Variants in ADAP1 observed in about 807,000 individuals in gnomAD.
ADAP1 encodes arf-GAP with dual PH domain-containing protein 1.
ADAP1 carries 31 observed loss-of-function variants against 54.9 expected under a neutral mutation model. That is an observed-to-expected ratio of 0.56 (90% CI 0.42 to 0.76). The LOEUF (loss-of-function observed/expected upper bound fraction) is 0.76, where lower values mean the gene tolerates loss of function less well. ADAP1 is among the 30% of genes least tolerant of loss of function. The pLI is 0.00. For synonymous variants in ADAP1, 313 were observed against 202.6 expected (o/e 1.55, Z -4.63); for missense variants, 535 against 512.4 (o/e 1.04, Z -0.42).
chr7:954,065 C>A (rs1847329890), intron 1 of ADAP1, among the ~76,000 whole-genome samples: 1 of 152,046 alleles, frequency 6.6e-6, no homozygotes, highest in Non-Finnish European at 1.5e-5. Flanking sequence ...TCTTTCTGTG[C>A]GGAGCCCGAG....
chr7:900,187 G>C, intron 7 of ADAP1, 23 bp from the exon 8 acceptor site: 1 of 1,612,752 alleles, frequency 6.2e-7, no homozygotes, highest in Non-Finnish European at 8.5e-7. Context: ...ACACCAGGCA[G>C]GGGACCTCAG....
intron 1 of ADAP1, among the ~76,000 whole-genome samples, chr7:942,592 G>C (rs1309542955): frequency 5.4e-5 from 4 of 74,110 alleles, no homozygotes; most frequent in Non-Finnish European, 6.4e-5. Context: ...GAGAGGAGGA[G>C]GAAGGGAGAG....
chr7:905,769 GGAGAAAGGAGAAA>G lies in ADAP1; in HGVS notation c.389-610_389-598del, dbSNP rs1845220320. On this transcript the variant is annotated intron_variant, in intron 4 of 10. Coordinates refer to ENST00000265846, the MANE Select transcript of ADAP1 (RefSeq NM_006869.4). ...GAAGGGAGAAGGGAGAAGGGAGAAA[GGAGAAAGGAGAAA>G]GGAGAAAGGAGAAAGGAGAAAGGAG... Among the ~76,000 whole-genome samples, 7 of 64,402 alleles carry G rather than the reference GGAGAAAGGAGAAA, an allele frequency of 1.1e-4. 1 individual carries two copies. The highest frequency in any genetic ancestry group is 3.2e-4 in the African/African-American group (6 of 18,868). The allele number at this position is 64,402 out of a possible 152,430, so 42.3% of individuals were successfully genotyped here. A position where few individuals can be genotyped will look rare whatever the true frequency, so the allele number is the denominator to read the frequency against.
At chr7:910,796 T>A (rs1480448214) in intron 4 of ADAP1, among the ~76,000 whole-genome samples, 1 of 152,066 alleles carries the variant, frequency 6.6e-6, no homozygotes, top group Non-Finnish European at 1.5e-5. Flanking sequence ...CATGGATGGG[T>A]GGCCTCTGAG....
chr7:924,979 A>C (rs1365596683), intron 3 of ADAP1, among the ~76,000 whole-genome samples: 2 of 151,970 alleles, frequency 1.3e-5, no homozygotes, highest in African/African-American at 4.8e-5. Flanking sequence ...GAATGAGAGT[A>C]CGGGGGGCCA....
Position 905,272 on chromosome 7 carries a change from C to G in ADAP1, c.389-100G>C, listed in dbSNP as rs1285435398. 7.8e-5 allele frequency: 25 copies of G among 318,744 alleles called. 1 individual carries two copies. The highest frequency in any genetic ancestry group is 3.2e-4 in the African/African-American group (6 of 19,016). The allele number at this position is 318,744 out of a possible 1,614,324, so 19.7% of individuals were successfully genotyped here. A position where few individuals can be genotyped will look rare whatever the true frequency, so the allele number is the denominator to read the frequency against. On this transcript the variant is annotated intron_variant, in intron 4 of 10. Transcript: ENST00000265846. ...ACAGAGGGGACATGGGGAGAAGACACGGGGGACACGGACGGGGGACACGGA... is the reference window on the plus strand; with the variant it reads ...ACAGAGGGGACATGGGGAGAAGACAGGGGGGACACGGACGGGGGACACGGA...
chr7:899,112 C>G lies in ADAP1; in HGVS notation c.1017G>C (p.Glu339Asp). 1 of 1,608,872 alleles carries G rather than the reference C, an allele frequency of 6.2e-7. No individual in the cohort carries two copies. Among genetic ancestry groups the G allele is most frequent in the Non-Finnish European group, 8.5e-7 (1 of 1,179,936 alleles). Reference sequence around the variant, plus strand: ...CCCACTCCCTCTGGTCGGACTCCGTCTCGCAGGCAAACAGAAACTTGCGGT... The same window carrying G: ...CCCACTCCCTCTGGTCGGACTCCGTGTCGCAGGCAAACAGAAACTTGCGGT... ...TPDRKFLFACETESDQREWVA... is the reference protein window; with the variant it reads ...TPDRKFLFACDTESDQREWVA... Residue 339 changes from glutamate (E) to aspartate (D), a missense_variant, in exon 10 of 11, where the codon GAG becomes GAC. By Grantham distance (45) the Glu-to-Asp change is conservative. Coordinates refer to ENST00000265846, the MANE Select transcript of ADAP1 (RefSeq NM_006869.4).
intron 5 of ADAP1, among the ~76,000 whole-genome samples, chr7:904,804 C>T (rs185561927): frequency 1.5e-3 from 235 of 152,368 alleles, no homozygotes; most frequent in Admixed American, 3.3e-3. Context: ...CCCTCTCCCA[C>T]GGCTGGGCCT....
intron 4 of ADAP1, among the ~76,000 whole-genome samples, chr7:911,959 G>A (rs1301844630): frequency 6.6e-6 from 1 of 152,164 alleles, no homozygotes; most frequent in Non-Finnish European, 1.5e-5. Context: ...TCCCCTCATG[G>A]GCCACGTAAA....
Position 899,143 on chromosome 7 carries a change from G to A in ADAP1, c.986C>T (p.Thr329Met), listed in dbSNP as rs1364191401. 5.6e-6 allele frequency: 9 copies of A among 1,610,560 alleles called. No individual in the cohort carries two copies. The highest frequency in any genetic ancestry group is 6.8e-6 in the Non-Finnish European group (8 of 1,179,964). ...GGCAAACAGAAACTTGCGGTCGGGCGTGACGATGGTGATGCCATGTGGCCA... is the reference window on the plus strand; with the variant it reads ...GGCAAACAGAAACTTGCGGTCGGGCATGACGATGGTGATGCCATGTGGCCA... ...HHWPHGITIV[T>M]PDRKFLFACE... The change falls in exon 10 of 11, where the codon ACG (threonine) becomes ATG (methionine). Residue 329 changes from threonine to methionine, a missense_variant. Thr to Met is a moderately conservative substitution (Grantham distance 81). Transcript: ENST00000265846.
At chr7:906,924 A>T (rs1327913608) in intron 4 of ADAP1, among the ~76,000 whole-genome samples, 4 of 146,644 alleles carry the variant, frequency 2.7e-5, no homozygotes, top group African/African-American at 5.0e-5. Context: ...GATGAGCGGG[A>T]CTCCAGCTGT....
chr7:947,214 GTTTTTTTT>G lies in ADAP1; in HGVS notation c.82+7174_82+7181del, dbSNP rs373444087. ...ACCACCACATCTGGCTGATTTTTTG[GTTTTTTTT>G]TTTTTTTTTTTTTTTTAGAGATGGG... On this transcript the variant is annotated intron_variant, in intron 1 of 10. Transcript: ENST00000265846. Among the ~76,000 whole-genome samples the G allele has an allele frequency of 3.2e-4, 27 of 84,178 alleles. 1 individual carries two copies. Among genetic ancestry groups the G allele is most frequent in the Non-Finnish European group, 1.7e-4 (8 of 45,824 alleles). 55.2% of individuals were successfully genotyped at this position (84,178 alleles called of 152,430 possible).
chr7:906,135 AG>A (rs368504193), intron 4 of ADAP1, among the ~76,000 whole-genome samples: 1 of 8,494 alleles, frequency 1.2e-4, no homozygotes, highest in Non-Finnish European at 1.9e-4. Flanking sequence ...GAAAGGAGAA[AG>A]GGAGAAAGGA....
chr7:922,837 T>C (rs1212521133), intron 3 of ADAP1: 1 of 115,546 alleles, frequency 8.7e-6, no homozygotes, highest in Non-Finnish European at 1.8e-5. Flanking sequence ...CACCTGCCTC[T>C]CAGCAACACC....
rs1009709416 is a variant in ADAP1 at position 945,303 on chromosome 7, G to T, written c.82+9093C>A. Among the ~76,000 whole-genome samples the T allele has an allele frequency of 6.6e-6, 1 of 152,220 alleles. No individual in the cohort carries two copies. Among genetic ancestry groups the T allele is most frequent in the Non-Finnish European group, 1.5e-5 (1 of 68,026 alleles). On this transcript the variant is annotated intron_variant, in intron 1 of 10. Coordinates refer to ENST00000265846, the MANE Select transcript of ADAP1 (RefSeq NM_006869.4). This position sits in a 1 kb window ranked among gnomAD's most constrained non-coding sequence, Gnocchi z 4.2. ...CACGCACTCTCAGAGACCCTCCAGG[G>T]TGGAAGGGGAGCTGGTCTGACGCCC...
rs944637454 is a variant in ADAP1, at chr7:926,840, A to G, written c.214-196T>C. On this transcript the variant is annotated intron_variant, in intron 2 of 10. Coordinates refer to ENST00000265846, the MANE Select transcript of ADAP1 (RefSeq NM_006869.4). This position sits in a 1 kb window ranked among gnomAD's most constrained non-coding sequence, Gnocchi z 4.6. ...TGAGTGATCGACCCTCCCCTGGGAC[A>G]GGGAAGGAGCCAGCGTCCCTAACGA... 6.6e-6 allele frequency: 5 copies of G among 761,522 alleles called. No individual in the cohort carries two copies. The highest frequency in any genetic ancestry group is 3.7e-5 in the African/African-American group (2 of 54,668). The allele number at this position is 761,522 out of a possible 1,614,324, so 47.2% of individuals were successfully genotyped here. A position where few individuals can be genotyped will look rare whatever the true frequency, so the allele number is the denominator to read the frequency against.
intron 2 of ADAP1, among the ~76,000 whole-genome samples, chr7:933,534 G>A (rs1378606219): frequency 7.7e-6 from 1 of 129,664 alleles, no homozygotes; most frequent in East Asian, 2.7e-4. Context: ...CGGGGGCCGG[G>A]GTCAGTGGTG....
intron 5 of ADAP1, 73 bp downstream of exon 5, chr7:904,987 C>T: frequency 1.5e-6 from 2 of 1,364,416 alleles, no homozygotes; most frequent in East Asian, 2.3e-5. Flanking sequence ...ACGCGGCCAC[C>T]ACAGGCCCCA....
At chr7:908,822 C>G (rs1005286273) in intron 4 of ADAP1, among the ~76,000 whole-genome samples, 1 of 152,234 alleles carries the variant, frequency 6.6e-6, no homozygotes, top group South Asian at 2.1e-4. Context: ...CCAAGGCGTG[C>G]GTGTCCGTGT....
Sources: gnomAD v4.1 joint callset for allele counts (sites outside exome capture counted in the v4.1 genomes callset) on GRCh38, gnomAD v4.1.1 for gene constraint, Gnocchi (gnomAD v3.1) non-coding constraint, MANE v1.5 for transcripts, NCBI Gene and HGNC (gene_info 2026-07-23, HGNC 2026-07-21) for gene names.